ATAD1: variants seen among roughly 807,000 people sequenced by gnomAD.
ATAD1 encodes the protein outer mitochondrial transmembrane helix translocase.
Under a neutral mutation model 42.7 loss-of-function variants are expected in ATAD1, and 18 were observed. That is an observed-to-expected ratio of 0.42 (90% CI 0.29 to 0.63). The LOEUF (loss-of-function observed/expected upper bound fraction) is 0.63. ATAD1 is among the 20% of genes least tolerant of loss of function. ATAD1 has a pLI of 0.19. For synonymous variants in ATAD1, 132 were observed against 143.1 expected (o/e 0.92, Z 0.55); for missense variants, 294 against 440.4 (o/e 0.67, Z 2.98).
chr10:87,765,482 A>AG (rs893447838), intron 8 of ATAD1, among the ~76,000 whole-genome samples: 14 of 93,756 alleles, frequency 1.5e-4, no homozygotes, highest in African/African-American at 2.5e-4. Context: ...CAGAAGCCAT[A>AG]GGGGGGGTGG....
intron 2 of ATAD1, among the ~76,000 whole-genome samples, chr10:87,811,334 A>AAAATAAATAAATAAATAAATAAAT (rs71022509): frequency 4.1e-4 from 61 of 149,710 alleles, no homozygotes; most frequent in Non-Finnish European, 7.0e-4. Context: ...CTCCAACTCA[A>AAAATAAATAAATAAATAAATAAAT]AAATAAATAA....
chr10:87,784,408 T>A, intron 5 of ATAD1, 62 bp downstream of exon 5: 2 of 1,493,114 alleles, frequency 1.3e-6, no homozygotes, highest in South Asian at 1.2e-5. Flanking sequence ...AAACTAAATC[T>A]GGTTATCTAA....
intron 2 of ATAD1, among the ~76,000 whole-genome samples, chr10:87,807,854 C>T (rs1856994895): frequency 6.6e-6 from 1 of 152,072 alleles, no homozygotes; most frequent in South Asian, 2.1e-4. Flanking sequence ...TTAGGATTGC[C>T]TTCCCTATTT....
intron 5 of ATAD1, among the ~76,000 whole-genome samples, chr10:87,777,447 G>A (rs1052704162): frequency 2.6e-5 from 4 of 152,058 alleles, no homozygotes; most frequent in Non-Finnish European, 5.9e-5. Flanking sequence ...ATAGCTCAGG[G>A]ATGGATTTAA....
rs1855681544 is a variant in ATAD1 at position 87,783,750 on chromosome 10, G to A, written c.583+720C>T. 2.0e-5 allele frequency among the ~76,000 whole-genome samples: 3 copies of A among 151,598 alleles called. No individual in the cohort carries two copies. The South Asian group carries it at 6.2e-4, about 31-fold the overall frequency. ...ATAAAAGTCATGACATACAGCAAAG[G>A]ATAGTCTAGTTTGCTGTCTTTTTGG... On this transcript the variant is annotated intron_variant, in intron 5 of 9. Transcript: ENST00000680024.
At chr10:87,799,794 TAA>T (rs748674665) in intron 2 of ATAD1, among the ~76,000 whole-genome samples, 344 of 78,398 alleles carry the variant, frequency 4.4e-3, no homozygotes, top group African/African-American at 7.1e-3. Context: ...TTTTTTTTTT[TAA>T]AAAGTGTGTC....
At chr10:87,783,508 C>T (rs1221213761) in intron 5 of ATAD1, among the ~76,000 whole-genome samples, 2 of 151,988 alleles carry the variant, frequency 1.3e-5, no homozygotes, top group Admixed American at 6.6e-5. Flanking sequence ...AGCTATACTA[C>T]ATATTTGTAT....
At position 87,754,551 on chromosome 10, in the gene ATAD1, C is replaced by T. The variant is rs1854135473; in HGVS notation, c.*136G>A. The T allele has an allele frequency of 9.5e-7, 1 of 1,055,512 alleles. No homozygotes were observed. 65.4% of individuals were successfully genotyped at this position (1,055,512 alleles called of 1,614,324 possible). A position where few individuals can be genotyped will look rare whatever the true frequency, so the allele number is the denominator to read the frequency against. ...CTATGTAACAACTATATCTCAATAACTTAGAATTCAGAGTATAAAACCATA... is the reference window on the plus strand; with the variant it reads ...CTATGTAACAACTATATCTCAATAATTTAGAATTCAGAGTATAAAACCATA... On this transcript the variant is annotated 3_prime_UTR_variant, in exon 10 of 10. Transcript: ENST00000680024.
chr10:87,820,821 C>G (rs1017727098), upstream of ATAD1, among the ~76,000 whole-genome samples: 3 of 152,152 alleles, frequency 2.0e-5, no homozygotes, highest in African/African-American at 7.2e-5. Flanking sequence ...CAGCAATCAT[C>G]AAATCAATGA....
intron 7 of ATAD1, among the ~76,000 whole-genome samples, chr10:87,768,546 A>T (rs764318360): frequency 3.3e-5 from 5 of 152,228 alleles, no homozygotes; most frequent in Non-Finnish European, 7.3e-5. Flanking sequence ...TTTAAGATTA[A>T]CCATACACTT....
At chr10:87,760,765 A>G (rs1418618705) in intron 8 of ATAD1, among the ~76,000 whole-genome samples, 1 of 152,198 alleles carries the variant, frequency 6.6e-6, no homozygotes, top group Admixed American at 6.5e-5. Context: ...TCTCAAAACA[A>G]AAAACAAAAA....
rs1856036364 is a variant in ATAD1, at chr10:87,790,333, G to A, written c.359C>T (p.Ser120Phe). ...PIKKKHLFEN[S>F]RLLQPPKGVL... The stretch of plus-strand genomic sequence containing the variant: ...ACCTTTTGGAGGCTGCAGAAGCCTG[G>A]AATTCTCAAACAAATGTTTCTTTTT... Residue 120 changes from serine (S) to phenylalanine (F), a missense_variant, in exon 4 of 10, where the codon TCC becomes TTC. Physicochemically the swap from Ser to Phe is radical, Grantham distance 155. This residue lies in a region of ATAD1 where 121 missense variants were observed against 187.3 expected (regional missense o/e 0.65). Coordinates refer to ENST00000680024, the MANE Select transcript of ATAD1 (RefSeq NM_001321967.2). The A allele has an allele frequency of 1.2e-6, 2 of 1,612,884 alleles. No homozygotes were observed. The highest frequency in any genetic ancestry group is 1.7e-6 in the Non-Finnish European group (2 of 1,179,698).
chr10:87,813,216 C>T (rs1857263008), intron 2 of ATAD1, among the ~76,000 whole-genome samples: 2 of 152,038 alleles, frequency 1.3e-5, no homozygotes, highest in Admixed American at 1.3e-4. Flanking sequence ...AAAAGTCACA[C>T]CTCTGCTTTT....
chr10:87,781,015 A>G (rs1855536256), intron 5 of ATAD1, among the ~76,000 whole-genome samples: 1 of 152,208 alleles, frequency 6.6e-6, no homozygotes, highest in Non-Finnish European at 1.5e-5. Flanking sequence ...CTGGGAACAC[A>G]CAAACTGAGA....
intron 2 of ATAD1, among the ~76,000 whole-genome samples, chr10:87,801,697 T>G (rs976828510): frequency 6.6e-6 from 1 of 152,232 alleles, no homozygotes; most frequent in African/African-American, 2.4e-5. Flanking sequence ...CTAAAACTTT[T>G]GTCATCCATG....
chr10:87,829,644 C>T (rs1857794087), intron 1 of ATAD1, among the ~76,000 whole-genome samples: 2 of 152,146 alleles, frequency 1.3e-5, no homozygotes, highest in Non-Finnish European at 2.9e-5. Context: ...AGAAGTTGGT[C>T]CAACCCTCCT....
chr10:87,792,854 G>C (rs1856195018), intron 2 of ATAD1, 99 bp from the exon 3 acceptor site: 4 of 851,204 alleles, frequency 4.7e-6, no homozygotes, highest in Admixed American at 4.5e-5. Flanking sequence ...TGAACAGATA[G>C]ATATACAAGA....
At chr10:87,818,145 C>A in intron 1 of ATAD1, 22 bp downstream of exon 1, 1 of 985,602 alleles carries the variant, frequency 1.0e-6, no homozygotes, top group Non-Finnish European at 1.2e-6. Context: ...CCCATGAGGC[C>A]CCACGGGAAC....
chr10:87,802,769 G>A (rs1856762885), intron 2 of ATAD1, among the ~76,000 whole-genome samples: 1 of 152,076 alleles, frequency 6.6e-6, no homozygotes, highest in Admixed American at 6.5e-5. Context: ...TGAGAAACTG[G>A]AGACAGAGAA....
Sources: allele counts gnomAD v4.1 joint callset (sites outside exome capture counted in the v4.1 genomes callset), GRCh38; gene constraint gnomAD v4.1.1; regional missense constraint gnomAD v4.1.1; transcripts MANE v1.5; gene names NCBI Gene and HGNC (gene_info 2026-07-23, HGNC 2026-07-21).